The following ZNF704 variants were observed in gnomAD, a reference collection of about 807,000 sequenced individuals.
The protein encoded by ZNF704 is glucocorticoid induced gene 1.
A neutral mutation model predicts 44.7 loss-of-function variants in ZNF704; 10 were observed. The observed-to-expected ratio is 0.22, with a 90% CI of 0.14 to 0.38. The LOEUF (loss-of-function observed/expected upper bound fraction) is 0.38, where lower values mean the gene tolerates loss of function less well. ZNF704 is among the 10% of genes least tolerant of loss of function. The probability of loss-of-function intolerance (pLI) is 1.00; values close to 1 mark genes in which losing one functional copy is unlikely to be tolerated. For missense variants in ZNF704, 390 were observed against 545.5 expected (o/e 0.71, Z 2.84); for synonymous variants, 211 against 207.6 (o/e 1.02, Z -0.14).
At chr8:80,793,148 G>A (rs903060465) in intron 2 of ZNF704, among the ~76,000 whole-genome samples, 1 of 152,212 alleles carries the variant, frequency 6.6e-6, no homozygotes, top group Admixed American at 6.5e-5. Flanking sequence ...ATTTGGAATT[G>A]AATAACCTAA....
chr8:80,820,335 A>G (rs10504717), intron 2 of ZNF704, among the ~76,000 whole-genome samples: 32,191 of 152,078 alleles, frequency 0.21, 4,740 homozygotes, highest in African/African-American at 0.42. Context: ...CTGCCAGAAT[A>G]TTGTCCTTTG....
At chr8:80,698,608 T>C in intron 2 of ZNF704, among the ~76,000 whole-genome samples, 1 of 152,222 alleles carries the variant, frequency 6.6e-6, no homozygotes, top group East Asian at 1.9e-4. Context: ...AAGCTCATTT[T>C]GGCTGCCGTG....
chr8:80,732,056 A>T (rs1437438539), intron 2 of ZNF704, among the ~76,000 whole-genome samples: 1 of 152,056 alleles, frequency 6.6e-6, no homozygotes, highest in African/African-American at 2.4e-5. Flanking sequence ...TATAACAGAA[A>T]CTCTGGTTTT....
At chr8:80,811,186 T>C (rs1808075157) in intron 2 of ZNF704, among the ~76,000 whole-genome samples, 1 of 152,164 alleles carries the variant, frequency 6.6e-6, no homozygotes, top group East Asian at 1.9e-4. Context: ...CTATAAAATA[T>C]ACAGCAGATT....
chr8:80,791,333 C>T (rs570541663), intron 2 of ZNF704, among the ~76,000 whole-genome samples: 1 of 152,294 alleles, frequency 6.6e-6, no homozygotes, highest in African/African-American at 2.4e-5. Flanking sequence ...CTAGCCATCC[C>T]TGTCCCTGCA....
chr8:80,872,678 A>T (rs983534715), intron 1 of ZNF704, among the ~76,000 whole-genome samples: 2 of 152,210 alleles, frequency 1.3e-5, no homozygotes, highest in Non-Finnish European at 2.9e-5. Context: ...GTCCAATAGC[A>T]TGCCTGAAAG....
chr8:80,838,508 G>A (rs761218286), intron 1 of ZNF704, among the ~76,000 whole-genome samples: 1 of 151,870 alleles, frequency 6.6e-6, no homozygotes, highest in East Asian at 1.9e-4. Context: ...GTGAGGGTGA[G>A]CAGGCCAGGC....
intron 2 of ZNF704, among the ~76,000 whole-genome samples, chr8:80,795,429 T>C (rs1274691533): frequency 6.6e-6 from 1 of 152,220 alleles, no homozygotes; most frequent in East Asian, 1.9e-4. Flanking sequence ...GAGTGGGTGG[T>C]TGGTTCTATT....
chr8:80,843,222 C>T (rs915188651), intron 1 of ZNF704, among the ~76,000 whole-genome samples: 4 of 152,156 alleles, frequency 2.6e-5, no homozygotes, highest in African/African-American at 4.8e-5. Context: ...AATCTGTAGA[C>T]GGTGGGACTT....
chr8:80,836,965 G>C (rs1323912048), intron 1 of ZNF704, among the ~76,000 whole-genome samples: 1 of 151,230 alleles, frequency 6.6e-6, no homozygotes, highest in East Asian at 1.9e-4. Context: ...TTTTGCTTTG[G>C]ATACTGATGT....
intron 1 of ZNF704, among the ~76,000 whole-genome samples, chr8:80,850,520 A>G (rs1205103704): frequency 6.6e-6 from 1 of 152,126 alleles, no homozygotes; most frequent in Non-Finnish European, 1.5e-5. Flanking sequence ...GCTCCACCCC[A>G]GCCATCATCC....
rs557657332 is a variant in ZNF704, at chr8:80,638,854, G to A, written c.*2512C>T. 1 of 152,344 alleles carries A rather than the reference G, an allele frequency of 6.6e-6. No individual in the cohort carries two copies. Among genetic ancestry groups the A allele is most frequent in the South Asian group, 2.1e-4 (1 of 4,824 alleles). The allele number at this position is 152,344 out of a possible 1,614,324, so 9.4% of individuals were successfully genotyped here. On this transcript the variant is annotated 3_prime_UTR_variant, in exon 9 of 9. Coordinates refer to ENST00000327835, the MANE Select transcript of ZNF704 (RefSeq NM_001033723.3). ...GAAAGCAGCCCCAACTTGGGTAGGAGGTACAGAACTGTGTGAAAAATGCTT... is the reference window on the plus strand; with the variant it reads ...GAAAGCAGCCCCAACTTGGGTAGGAAGTACAGAACTGTGTGAAAAATGCTT...
intron 4 of ZNF704, among the ~76,000 whole-genome samples, chr8:80,682,152 A>G (rs544471533): frequency 7.2e-5 from 11 of 152,334 alleles, no homozygotes; most frequent in African/African-American, 2.6e-4. Context: ...CAGCAGAGAG[A>G]CTGGCAACAT....
At chr8:80,682,549 A>AG (rs1359142068) in intron 4 of ZNF704, among the ~76,000 whole-genome samples, 1 of 152,184 alleles carries the variant, frequency 6.6e-6, no homozygotes, top group Non-Finnish European at 1.5e-5. Context: ...AGTGCATTGC[A>AG]GGGGGGCTAA....
chr8:80,815,914 A>G (rs1034301897), intron 2 of ZNF704, among the ~76,000 whole-genome samples: 3 of 152,212 alleles, frequency 2.0e-5, no homozygotes, highest in African/African-American at 7.2e-5. Context: ...AGAGTGAATG[A>G]ACATAACTAT....
At chr8:80,716,994 G>A (rs1819081910) in intron 2 of ZNF704, among the ~76,000 whole-genome samples, 1 of 152,172 alleles carries the variant, frequency 6.6e-6, no homozygotes, top group Admixed American at 6.5e-5. Context: ...TTAAAACACT[G>A]CTTAAACTTT....
chr8:80,760,385 C>T (rs1385346948), intron 2 of ZNF704, among the ~76,000 whole-genome samples: 2 of 152,204 alleles, frequency 1.3e-5, no homozygotes, highest in South Asian at 2.1e-4. Flanking sequence ...TGGCCGGGCA[C>T]GGTGGCTCAC....
chr8:80,724,815 TTAACTGATTTCCCTGCCC>T (rs1167538596), intron 2 of ZNF704, among the ~76,000 whole-genome samples: 1 of 152,172 alleles, frequency 6.6e-6, no homozygotes, highest in Admixed American at 6.5e-5. Flanking sequence ...CGATAACCCC[TTAACTGATTTCCCTGCCC>T]TAGTCTCTGC....
chr8:80,749,279 G>T (rs1423028051), intron 2 of ZNF704, among the ~76,000 whole-genome samples: 1 of 152,062 alleles, frequency 6.6e-6, no homozygotes, highest in African/African-American at 2.4e-5. Flanking sequence ...CAAAGTGTTG[G>T]AATTACAGGT....
Sources: gnomAD v4.1 joint callset for allele counts (sites outside exome capture counted in the v4.1 genomes callset) on GRCh38, gnomAD v4.1.1 for gene constraint, MANE v1.5 for transcripts, NCBI Gene and HGNC (gene_info 2026-07-23, HGNC 2026-07-21) for gene names.